Variants in NOTCH2 observed in about 807,000 individuals in gnomAD.
The protein encoded by NOTCH2 is notch receptor 2.
NOTCH2 carries 29 observed loss-of-function variants against 235.8 expected under a neutral mutation model. That is an observed-to-expected ratio of 0.12 (90% CI 0.09 to 0.17). NOTCH2 has a LOEUF of 0.17. NOTCH2 is among the 10% of genes least tolerant of loss of function. NOTCH2 has a pLI of 1.00. For missense variants in NOTCH2, 2,285 were observed against 3,150.2 expected (o/e 0.73, Z 6.57); for synonymous variants, 1,086 against 1,141.5 (o/e 0.95, Z 0.98).
chr1:119,924,519 G>C (rs1649399107), intron 25 of NOTCH2, among the ~76,000 whole-genome samples: 2 of 152,144 alleles, frequency 1.3e-5, no homozygotes, highest in African/African-American at 4.8e-5. Context: ...TAGCACACCA[G>C]ATATTACTTG....
chr1:119,935,161 G>A, intron 22 of NOTCH2: 1 of 1,232,574 alleles, frequency 8.1e-7, no homozygotes, highest in Non-Finnish European at 1.0e-6. Flanking sequence ...TTTCTGTGAA[G>A]CAACAAGAAA....
chr1:119,963,814 A>G lies in NOTCH2; in HGVS notation c.1682-7T>C, dbSNP rs1477324875. On this transcript the variant is annotated splice_polypyrimidine_tract_variant and splice_region_variant and intron_variant, in intron 10 of 33. Transcript: ENST00000256646. ...CACAACACACCAGTGAAACCTTTGGAAAGAATTTTATCAAGGATTCTCAAA... is the reference window on the plus strand; with the variant it reads ...CACAACACACCAGTGAAACCTTTGGGAAGAATTTTATCAAGGATTCTCAAA... The G allele has an allele frequency of 4.3e-6, 7 of 1,612,098 alleles. No individual in the cohort carries two copies. Among genetic ancestry groups the G allele is most frequent in the East Asian group, 2.2e-5 (1 of 44,868 alleles).
chr1:119,960,465 T>TACAAA lies in NOTCH2; in HGVS notation c.1916-964_1916-963insTTTGT, dbSNP rs2101132030. On this transcript the variant is annotated intron_variant, in intron 11 of 33. Transcript: ENST00000256646. ...GTAAAGAGATATTTGTGAAATATATTTGTAATATATTTCACAAATATCTCT... is the reference window on the plus strand; with the variant it reads ...GTAAAGAGATATTTGTGAAATATATTACAAATGTAATATATTTCACAAATATCTCT... Among the ~76,000 whole-genome samples, 2 of 150,740 alleles carry TACAAA rather than the reference T, an allele frequency of 1.3e-5. 1 individual carries two copies. The highest frequency in any genetic ancestry group is 4.2e-4 in the South Asian group (2 of 4,722).
At chr1:120,024,772 C>T (rs1405469936) in intron 2 of NOTCH2, among the ~76,000 whole-genome samples, 3 of 152,214 alleles carry the variant, frequency 2.0e-5, no homozygotes, top group Non-Finnish European at 4.4e-5. Flanking sequence ...GTTTTACAAA[C>T]ACTACGTTAG....
chr1:120,065,265 C>G (rs1288243466), intron 1 of NOTCH2, among the ~76,000 whole-genome samples: 58 of 152,162 alleles, frequency 3.8e-4, no homozygotes, highest in Non-Finnish European at 7.2e-4. Context: ...CCACAGTTGT[C>G]CAAAATAAGA....
rs892165168 is a variant in NOTCH2, at chr1:119,918,287, G to A, written c.5929+119C>T. ...TAAATAAATGCATGAATGAAAGAAT[G>A]AGTGAATCTCTCACGTATTTGGATC... On this transcript the variant is annotated intron_variant, in intron 32 of 33. Transcript: ENST00000256646. 2.7e-6 allele frequency: 3 copies of A among 1,102,154 alleles called. No individual in the cohort carries two copies. The African/African-American group carries it at 4.6e-5, about 17-fold the overall frequency. The allele number at this position is 1,102,154 out of a possible 1,614,324, so 68.3% of individuals were successfully genotyped here.
In NOTCH2 at chr1:119,938,892, G is replaced by A. The variant is rs370259802; in HGVS notation, c.3184-882C>T. Among the ~76,000 whole-genome samples, 7 of 152,246 alleles carry A rather than the reference G, an allele frequency of 4.6e-5. No homozygotes were observed. In the South Asian group the frequency reaches 8.3e-4, roughly 18 times the overall value. ...AGGCGGGGTTTCACCGTGTTAGCCA[G>A]GACGGTCTCGATCTCCTGACCTCGT... On this transcript the variant is annotated intron_variant, in intron 19 of 33. Coordinates refer to ENST00000256646, the MANE Select transcript of NOTCH2 (RefSeq NM_024408.4).
chr1:119,963,158 A>G lies in NOTCH2; in HGVS notation c.1915+416T>C, dbSNP rs188881185. On this transcript the variant is annotated intron_variant, in intron 11 of 33. Transcript: ENST00000256646. The stretch of plus-strand genomic sequence containing the variant: ...AGAGAAAATACATTAAAGGAAGGGA[A>G]GAAGGGAAGAAGGAAGGTAGGTAGG... Among the ~76,000 whole-genome samples the G allele has an allele frequency of 4.1e-4, 47 of 114,754 alleles. No homozygotes were observed. In the Middle Eastern group the frequency reaches 0.012, roughly 30 times the overall value. 75.3% of individuals were successfully genotyped at this position (114,754 alleles called of 152,430 possible).
At position 119,914,740 on chromosome 1, in the gene NOTCH2, A is replaced by G; in HGVS notation, c.*566T>C. The stretch of plus-strand genomic sequence containing the variant: ...GAAGACAGGAGGGGAAAGGAGACCA[A>G]AGTTGCTTTCATGGGCCAGAATGAT... On this transcript the variant is annotated 3_prime_UTR_variant, in exon 34 of 34. Coordinates refer to ENST00000256646, the MANE Select transcript of NOTCH2 (RefSeq NM_024408.4). 4.0e-6 allele frequency: 1 copy of G among 251,636 alleles called. No individual in the cohort carries two copies. 15.6% of individuals were successfully genotyped at this position (251,636 alleles called of 1,614,324 possible).
rs763026046 is a variant in NOTCH2 at position 119,915,693 on chromosome 1, T to C, written c.7029A>G (p.Pro2343=). 8 of 1,612,530 alleles carry C rather than the reference T, an allele frequency of 5.0e-6. No homozygotes were observed. In the Admixed American group the frequency reaches 1.2e-4, roughly 24 times the overall value. The part of the protein sequence containing the change: ...AGPLPTMYQI[P]EMARLPSVAF... ...CCACACTGGGCAAACGGGCCATTTC[T>C]GGAATCTGGTACATGGTGGGCAGGG... Residue 2343 remains proline, a synonymous_variant, in exon 34 of 34, where the codon CCA becomes CCG. Coordinates refer to ENST00000256646, the MANE Select transcript of NOTCH2 (RefSeq NM_024408.4).
Position 119,959,486 on chromosome 1 carries a change from A to G in NOTCH2, c.1932T>C (p.Ile644=). 1 of 1,591,604 alleles carries G rather than the reference A, an allele frequency of 6.3e-7. No individual in the cohort carries two copies. Among genetic ancestry groups the G allele is most frequent in the Non-Finnish European group, 8.6e-7 (1 of 1,159,564 alleles). Residue 644 remains isoleucine (I), a synonymous_variant, in exon 12 of 34, where the codon ATT becomes ATC. Transcript: ENST00000256646. ...GGTTACTTGCACAGTCATCAAAATTAATTTCACAATTAACCCCTGGAAGAG... is the reference window on the plus strand; with the variant it reads ...GGTTACTTGCACAGTCATCAAAATTGATTTCACAATTAACCCCTGGAAGAG... ...QPGTSGVNCE[I]NFDDCASNPC... is the part of the protein sequence containing the mutation.
intron 1 of NOTCH2, among the ~76,000 whole-genome samples, chr1:120,033,686 C>A (rs1371742378): frequency 2.0e-5 from 3 of 148,932 alleles, no homozygotes; most frequent in Non-Finnish European, 4.5e-5. Context: ...GCTACAGTTA[C>A]ACAAGAAGAA....
At chr1:119,935,302 G>T in intron 22 of NOTCH2, 170 bp downstream of exon 22, 1 of 1,560,738 alleles carries the variant, frequency 6.4e-7, no homozygotes. Context: ...ATCAGAGCTA[G>T]CAAGAGATGG....
At chr1:120,027,905 T>G (rs1173702060) in intron 2 of NOTCH2, among the ~76,000 whole-genome samples, 2 of 144,240 alleles carry the variant, frequency 1.4e-5, no homozygotes, top group African/African-American at 5.5e-5. Flanking sequence ...GTTCCAAGTC[T>G]TTCCTACTGT....
chr1:119,965,888 G>A (rs1651116374), intron 9 of NOTCH2, among the ~76,000 whole-genome samples: 1 of 152,168 alleles, frequency 6.6e-6, no homozygotes, highest in Admixed American at 6.5e-5. Flanking sequence ...AAGATACAAT[G>A]GGGTAAGATG....
Position 119,987,086 on chromosome 1 carries a change from G to A in NOTCH2, c.752-4C>T. On this transcript the variant is annotated splice_polypyrimidine_tract_variant and splice_region_variant and intron_variant, in intron 4 of 33. Transcript: ENST00000256646. ...TCACAGGTGCTCCCTTCAAAACCTG[G>A]TAAATGAAGAACAAATGAAAATGAT... is the stretch of plus-strand genomic sequence containing the variant. 1 of 1,612,224 alleles carries A rather than the reference G, an allele frequency of 6.2e-7. No individual in the cohort carries two copies. Among genetic ancestry groups the A allele is most frequent in the Non-Finnish European group, 8.5e-7 (1 of 1,179,000 alleles).
At chr1:119,925,939 A>T (rs1265519030) in intron 24 of NOTCH2, 129 bp from the exon 25 acceptor site, 1 of 1,103,406 alleles carries the variant, frequency 9.1e-7, no homozygotes, top group African/African-American at 1.6e-5. Context: ...AGCCAAGGTT[A>T]CTAGACAGGT....
intron 5 of NOTCH2, 106 bp from the exon 6 acceptor site, chr1:119,969,850 G>A (rs587756828): frequency 2.0e-6 from 2 of 990,274 alleles, no homozygotes; most frequent in African/African-American, 3.2e-5. Flanking sequence ...CTGAAATTAA[G>A]GCAAGCAGAG....
intron 2 of NOTCH2, among the ~76,000 whole-genome samples, chr1:120,008,892 G>A (rs1386795896): frequency 6.6e-6 from 1 of 152,068 alleles, no homozygotes; most frequent in Non-Finnish European, 1.5e-5. Context: ...CTAAGTAAAA[G>A]ATGCACAATA....
Sources: gnomAD v4.1 joint callset for allele counts (sites outside exome capture counted in the v4.1 genomes callset) on GRCh38, gnomAD v4.1.1 for gene constraint, MANE v1.5 for transcripts, NCBI Gene and HGNC (gene_info 2026-07-23, HGNC 2026-07-21) for gene names.